SEMA3E: variants seen among roughly 807,000 people sequenced by gnomAD.
SEMA3E encodes the protein semaphorin-3E.
Under a neutral mutation model 93.6 loss-of-function variants are expected in SEMA3E, and 49 were observed. The observed-to-expected ratio is 0.52, with a 90% CI of 0.42 to 0.66. The LOEUF is 0.66. SEMA3E is among the 30% of genes least tolerant of loss of function. The probability of loss-of-function intolerance (pLI) is 0.00; values close to 1 mark genes in which losing one functional copy is unlikely to be tolerated. For synonymous variants in SEMA3E, 363 were observed against 330.7 expected (o/e 1.10, Z -1.06); for missense variants, 906 against 964.8 (o/e 0.94, Z 0.81).
At chr7:83,604,295 T>C (rs1045701380) in intron 1 of SEMA3E, among the ~76,000 whole-genome samples, 6 of 151,986 alleles carry the variant, frequency 3.9e-5, no homozygotes, top group African/African-American at 1.4e-4. Flanking sequence ...ATTTACATTC[T>C]ATGTCTATGC....
chr7:83,628,419 G>A (rs1793718176), intron 1 of SEMA3E, among the ~76,000 whole-genome samples: 1 of 151,988 alleles, frequency 6.6e-6, no homozygotes, highest in Non-Finnish European at 1.5e-5. Context: ...TCACTTTCAG[G>A]TACACCAATG....
chr7:83,409,915 CAAATT>C (rs1437783109), intron 5 of SEMA3E, among the ~76,000 whole-genome samples: 1 of 150,964 alleles, frequency 6.6e-6, no homozygotes, highest in Non-Finnish European at 1.5e-5. Context: ...ATATATAAGA[CAAATT>C]AAAAGGAAGT....
chr7:83,578,923 A>T (rs1348290753), intron 1 of SEMA3E, among the ~76,000 whole-genome samples: 1 of 152,122 alleles, frequency 6.6e-6, no homozygotes, highest in African/African-American at 2.4e-5. Context: ...AATAATAAAA[A>T]TTACAGAAGT....
At chr7:83,417,008 C>CAT (rs1562772697) in intron 5 of SEMA3E, among the ~76,000 whole-genome samples, 2 of 66,214 alleles carry the variant, frequency 3.0e-5, no homozygotes, top group Non-Finnish European at 4.5e-5. Context: ...CACACACACA[C>CAT]ACACACAGGG....
chr7:83,452,356 G>T (rs957421585), intron 4 of SEMA3E, among the ~76,000 whole-genome samples: 5 of 152,110 alleles, frequency 3.3e-5, no homozygotes, highest in African/African-American at 1.2e-4. Flanking sequence ...GTGGCTCCCT[G>T]TGAATTAAGC....
At chr7:83,550,702 A>T (rs1207333235) in intron 1 of SEMA3E, among the ~76,000 whole-genome samples, 1 of 152,082 alleles carries the variant, frequency 6.6e-6, no homozygotes, top group East Asian at 1.9e-4. Flanking sequence ...TCATCTACTC[A>T]TCAGAAAATT....
Position 83,460,671 on chromosome 7 carries a change from GCCCCAATCCCTTATTTCTGCA to G in SEMA3E, c.456+5790_456+5810del, listed in dbSNP as rs1457333365. ...AAGCACCCCAACCTCATATCTCTGCGCCCCAATCCCTTATTTCTGCACCCCAATCCCTTATTTCTGCGCCCC... is the reference window on the plus strand; with the variant it reads ...AAGCACCCCAACCTCATATCTCTGCGCCCCAATCCCTTATTTCTGCGCCCC... On this transcript the variant is annotated intron_variant, in intron 4 of 16. Transcript: ENST00000643230. 6.1e-3 allele frequency among the ~76,000 whole-genome samples: 437 copies of G among 71,732 alleles called. 5 individuals are homozygous for G. Among genetic ancestry groups the G allele is most frequent in the African/African-American group, 0.015 (413 of 26,746 alleles). The allele number at this position is 71,732 out of a possible 152,430, so 47.1% of individuals were successfully genotyped here.
At chr7:83,599,874 G>T (rs1478980877) in intron 1 of SEMA3E, among the ~76,000 whole-genome samples, 1 of 152,202 alleles carries the variant, frequency 6.6e-6, no homozygotes, top group African/African-American at 2.4e-5. Context: ...AAAAGACCGT[G>T]TTTGAAATGT....
chr7:83,382,837 C>T (rs1432189505), intron 16 of SEMA3E, among the ~76,000 whole-genome samples: 1 of 151,718 alleles, frequency 6.6e-6, no homozygotes, highest in Non-Finnish European at 1.5e-5. Flanking sequence ...TTTGAGAGAA[C>T]CACTATAATC....
At chr7:83,487,944 A>G (rs1790300825) in intron 2 of SEMA3E, among the ~76,000 whole-genome samples, 1 of 151,234 alleles carries the variant, frequency 6.6e-6, no homozygotes, top group Non-Finnish European at 1.5e-5. Flanking sequence ...TAGATGCCAA[A>G]GAAATATCAG....
At chr7:83,396,604 C>T (rs766344241) in intron 12 of SEMA3E, 34 bp downstream of exon 12, 4 of 1,271,954 alleles carry the variant, frequency 3.1e-6, no homozygotes, top group African/African-American at 1.5e-5. Context: ...AGTTGTAATG[C>T]ATAAATTTGG....
intron 1 of SEMA3E, among the ~76,000 whole-genome samples, chr7:83,621,074 A>T (rs937285621): frequency 6.6e-6 from 1 of 152,154 alleles, no homozygotes; most frequent in Non-Finnish European, 1.5e-5. Context: ...TGCAGATGAC[A>T]TGATTCTATA....
In SEMA3E at chr7:83,385,680, A is replaced by G. The variant is rs3801479; in HGVS notation, c.1736-247T>C. 0.16 allele frequency among the ~76,000 whole-genome samples: 23,839 copies of G among 152,054 alleles called. 2,089 individuals are homozygous for G. The highest frequency in any genetic ancestry group is 0.24 in the African/African-American group (9,899 of 41,472). Reference sequence around the variant, plus strand: ...AGAGTCTGGTTCCAAAGGATGGGACAGGATAGTCAAGGCAGTAAGAAGCAT... The same window carrying G: ...AGAGTCTGGTTCCAAAGGATGGGACGGGATAGTCAAGGCAGTAAGAAGCAT... On this transcript the variant is annotated intron_variant, in intron 15 of 16. Transcript: ENST00000643230.
intron 2 of SEMA3E, among the ~76,000 whole-genome samples, chr7:83,489,424 TATGGAC>T (rs1790333048): frequency 7.4e-6 from 1 of 134,238 alleles, no homozygotes; most frequent in Non-Finnish European, 1.6e-5. Flanking sequence ...CTTTAGAAAA[TATGGAC>T]ATGGCTCATA....
intron 1 of SEMA3E, among the ~76,000 whole-genome samples, chr7:83,629,807 T>A (rs1049214822): frequency 1.3e-5 from 2 of 152,132 alleles, no homozygotes; most frequent in Non-Finnish European, 2.9e-5. Context: ...CGGATCTGCC[T>A]CACTGGCGTT....
chr7:83,594,516 T>C (rs1387048821), intron 1 of SEMA3E, among the ~76,000 whole-genome samples: 1 of 152,124 alleles, frequency 6.6e-6, no homozygotes, highest in Non-Finnish European at 1.5e-5. Context: ...ATTGCCAAAA[T>C]AATTATAGCG....
intron 2 of SEMA3E, among the ~76,000 whole-genome samples, chr7:83,489,042 G>A (rs1455963891): frequency 6.6e-6 from 1 of 152,052 alleles, no homozygotes; most frequent in Non-Finnish European, 1.5e-5. Context: ...ATTCCAGCAT[G>A]TGGCTCAGTG....
chr7:83,628,885 A>C (rs956064334), intron 1 of SEMA3E, among the ~76,000 whole-genome samples: 4 of 151,972 alleles, frequency 2.6e-5, no homozygotes, highest in African/African-American at 7.2e-5. Context: ...TGGAATTTTC[A>C]GCTTTTTTGT....
intron 1 of SEMA3E, among the ~76,000 whole-genome samples, chr7:83,567,918 CAAAA>C (rs1792196926): frequency 2.0e-5 from 3 of 150,640 alleles, no homozygotes; most frequent in African/African-American, 7.3e-5. Flanking sequence ...CAGAACTAAA[CAAAA>C]TAGAGAGTAA....
Sources: gnomAD v4.1 joint callset for allele counts (sites outside exome capture counted in the v4.1 genomes callset) on GRCh38, gnomAD v4.1.1 for gene constraint, MANE v1.5 for transcripts, NCBI Gene and HGNC (gene_info 2026-07-23, HGNC 2026-07-21) for gene names.